The following CNOT4 variants were observed in gnomAD, a reference collection of about 807,000 sequenced individuals.
CNOT4 encodes CCR4-NOT transcription complex subunit 4.
Under a neutral mutation model 73.8 loss-of-function variants are expected in CNOT4, and 8 were observed. The observed-to-expected ratio is 0.11, with a 90% CI of 0.06 to 0.20. The LOEUF (loss-of-function observed/expected upper bound fraction) is 0.20. Ranked by LOEUF, CNOT4 falls within the 10% of genes least tolerant of loss-of-function variation. The probability of loss-of-function intolerance (pLI) is 1.00; values close to 1 mark genes in which losing one functional copy is unlikely to be tolerated. For synonymous variants in CNOT4, 293 were observed against 321.1 expected (o/e 0.91, Z 0.94); for missense variants, 564 against 883.4 (o/e 0.64, Z 4.58).
chr7:135,428,161 T>C (rs959048155), intron 2 of CNOT4, among the ~76,000 whole-genome samples: 3 of 152,196 alleles, frequency 2.0e-5, no homozygotes, highest in Non-Finnish European at 2.9e-5. Context: ...CATGGAGATA[T>C]ATTGCTTGGC....
intron 10 of CNOT4, among the ~76,000 whole-genome samples, chr7:135,370,061 A>G (rs992457886): frequency 3.9e-5 from 6 of 152,238 alleles, no homozygotes; most frequent in African/African-American, 1.4e-4. Context: ...ACATTATAAA[A>G]TCAGTTTATG....
At chr7:135,484,130 G>A (rs1802566215) in intron 1 of CNOT4, among the ~76,000 whole-genome samples, 1 of 152,118 alleles carries the variant, frequency 6.6e-6, no homozygotes, top group African/African-American at 2.4e-5. Context: ...GGGAGGCGAA[G>A]GTAGCAGTGG....
At position 135,381,733 on chromosome 7, in the gene CNOT4, G is replaced by A. The variant is rs73158920; in HGVS notation, c.1627+12185C>T. ...ATTGAGATAATTAAAGAATGGTACT[G>A]GGTCACTGCATCATACACTTTAAAA... On this transcript the variant is annotated intron_variant, in intron 10 of 11. Coordinates refer to ENST00000541284, the MANE Select transcript of CNOT4 (RefSeq NM_001190850.2). Among the ~76,000 whole-genome samples, 738 of 152,220 alleles carry A rather than the reference G, an allele frequency of 4.8e-3. 3 individuals are homozygous for A. Among genetic ancestry groups the A allele is most frequent in the Non-Finnish European group, 8.5e-3 (577 of 68,012 alleles).
chr7:135,424,942 G>A (rs1357587317), intron 2 of CNOT4, among the ~76,000 whole-genome samples: 2 of 152,272 alleles, frequency 1.3e-5, no homozygotes, highest in East Asian at 1.9e-4. Context: ...TATAGTTGAC[G>A]CACTGCCTTT....
chr7:135,384,289 C>CTCT, intron 10 of CNOT4: 1 of 155,778 alleles, frequency 6.4e-6, no homozygotes, highest in Non-Finnish European at 1.4e-5. Context: ...CTCTCTCTCT[C>CTCT]TTTTTTTTTT....
rs546726997 is a variant in CNOT4 at position 135,424,790 on chromosome 7, AAAAC to A, written c.175-2441_175-2438del. On this transcript the variant is annotated intron_variant, in intron 2 of 11. Transcript: ENST00000541284. ...GGCGACAGAGCCAGACTCCTTCTCA[AAAAC>A]AAACAAACAAACAAACAAACAAAAA... Among the ~76,000 whole-genome samples, 60 of 152,102 alleles carry A rather than the reference AAAAC, an allele frequency of 3.9e-4. 1 individual carries two copies. The highest frequency in any genetic ancestry group is 1.5e-3 in the South Asian group (7 of 4,808).
intron 1 of CNOT4, among the ~76,000 whole-genome samples, chr7:135,445,981 A>G (rs1799801335): frequency 1.3e-5 from 2 of 152,166 alleles, no homozygotes; most frequent in African/African-American, 4.8e-5. Context: ...GGCTTTATAA[A>G]GCAAATCCTC....
At chr7:135,435,890 T>G (rs1799125702) in intron 2 of CNOT4, among the ~76,000 whole-genome samples, 1 of 152,210 alleles carries the variant, frequency 6.6e-6, no homozygotes, top group Admixed American at 6.5e-5. Context: ...AATCACTGTT[T>G]TAATTAGAGG....
At chr7:135,504,462 A>ATTTT (rs34100799) in intron 1 of CNOT4, among the ~76,000 whole-genome samples, 48 of 55,910 alleles carry the variant, frequency 8.6e-4, no homozygotes, top group Admixed American at 2.1e-3. Flanking sequence ...CATCCGGCTA[A>ATTTT]TTTTTTTTTT....
chr7:135,436,965 T>C (rs928845433), intron 2 of CNOT4, among the ~76,000 whole-genome samples: 1 of 152,114 alleles, frequency 6.6e-6, no homozygotes, highest in Non-Finnish European at 1.5e-5. Flanking sequence ...GTTTAAATTA[T>C]ACAAACATTA....
At chr7:135,409,469 A>G (rs900287812) in intron 7 of CNOT4, among the ~76,000 whole-genome samples, 32 of 152,116 alleles carry the variant, frequency 2.1e-4, no homozygotes, top group Non-Finnish European at 2.2e-4. Flanking sequence ...AGTTTTTAAT[A>G]ATTTAAATAA....
chr7:135,448,254 A>G (rs549967712), intron 1 of CNOT4, among the ~76,000 whole-genome samples: 6 of 152,156 alleles, frequency 3.9e-5, no homozygotes, highest in African/African-American at 7.2e-5. Flanking sequence ...ATGTAAAGAA[A>G]TAGGAAAGTG....
rs200460078 is a variant in CNOT4, at chr7:135,363,059, G to C, written c.1968C>G (p.His656Gln). 3,409 of 1,614,088 alleles carry C rather than the reference G, an allele frequency of 2.1e-3. 6 individuals carry two copies. The highest frequency in any genetic ancestry group is 2.5e-3 in the Non-Finnish European group (2,899 of 1,180,022). Reference sequence around the variant, plus strand: ...GGATCTGTGTGCTGAAGGGGGCGCTGTGGTGGGTCTGTGATGGAGCAGCGC... The same window carrying C: ...GGATCTGTGTGCTGAAGGGGGCGCTCTGGTGGGTCTGTGATGGAGCAGCGC... ...GPSAAPSQTHHSAPFSTQIPL... is the reference protein window; with the variant it reads ...GPSAAPSQTHQSAPFSTQIPL... The change falls in exon 12 of 12, where the codon CAC (histidine) becomes CAG (glutamine). Residue 656 changes from histidine to glutamine, a missense_variant. This residue lies in a region of CNOT4 where 88 missense variants were observed against 94.7 expected (regional missense o/e 0.93). Coordinates refer to ENST00000541284, the MANE Select transcript of CNOT4 (RefSeq NM_001190850.2). The surrounding 1 kb of genome is among the most constrained non-coding windows in gnomAD (Gnocchi z 4.3).
At chr7:135,371,532 C>T (rs1054120628) in intron 10 of CNOT4, among the ~76,000 whole-genome samples, 7 of 151,798 alleles carry the variant, frequency 4.6e-5, no homozygotes, top group African/African-American at 1.5e-4. Flanking sequence ...CCACAGGCAG[C>T]AAATAAAAAA....
At chr7:135,463,019 T>C (rs1800970974) in intron 1 of CNOT4, among the ~76,000 whole-genome samples, 1 of 152,210 alleles carries the variant, frequency 6.6e-6, no homozygotes, top group Non-Finnish European at 1.5e-5. Context: ...GTCAGCTTTG[T>C]CAAAGAACAG....
At chr7:135,384,870 C>A in intron 10 of CNOT4, 2 of 638,766 alleles carry the variant, frequency 3.1e-6, no homozygotes, top group Non-Finnish European at 5.6e-6. Context: ...ATGATTGCTG[C>A]ATACATATTC....
intron 10 of CNOT4, chr7:135,388,208 G>A (rs1273428916): frequency 2.3e-5 from 23 of 985,044 alleles, no homozygotes; most frequent in Non-Finnish European, 2.8e-5. Flanking sequence ...GTGCAAAAGT[G>A]CAAAAGAGAG....
intron 10 of CNOT4, among the ~76,000 whole-genome samples, chr7:135,371,291 G>A (rs1795194348): frequency 6.6e-6 from 1 of 152,216 alleles, no homozygotes. Context: ...TGTGTCCTGG[G>A]CAGGACTCAT....
chr7:135,414,712 C>T (rs1797757502), intron 4 of CNOT4, among the ~76,000 whole-genome samples: 1 of 151,822 alleles, frequency 6.6e-6, no homozygotes, highest in Non-Finnish European at 1.5e-5. Context: ...ATTTGACAGG[C>T]TCGTCAAGGT....
Sources: allele counts gnomAD v4.1 joint callset (sites outside exome capture counted in the v4.1 genomes callset), GRCh38; gene constraint gnomAD v4.1.1; regional missense constraint gnomAD v4.1.1; non-coding constraint Gnocchi (gnomAD v3.1); transcripts MANE v1.5; gene names NCBI Gene and HGNC (gene_info 2026-07-23, HGNC 2026-07-21).